PDE8B: variants seen among roughly 807,000 people sequenced by gnomAD.
PDE8B encodes high affinity cAMP-specific and IBMX-insensitive 3',5'-cyclic phosphodiesterase 8B.
Under a neutral mutation model 101.3 loss-of-function variants are expected in PDE8B, and 26 were observed. That is an observed-to-expected ratio of 0.26 (90% CI 0.19 to 0.36). PDE8B has a LOEUF of 0.36. PDE8B is among the 10% of genes least tolerant of loss of function. PDE8B has a pLI of 1.00. For synonymous variants in PDE8B, 424 were observed against 429.3 expected (o/e 0.99, Z 0.15); for missense variants, 810 against 1,163.1 (o/e 0.70, Z 4.42).
At chr5:77,127,144 G>A in the PDE8B span, among the ~76,000 whole-genome samples, 1 of 152,142 alleles carries the variant, frequency 6.6e-6, no homozygotes, top group East Asian at 1.9e-4. Flanking sequence ...GTTCCTGCCT[G>A]TATACATTAC....
intron 10 of PDE8B, among the ~76,000 whole-genome samples, chr5:77,393,876 C>T (rs1790467869): frequency 6.6e-6 from 1 of 152,098 alleles, no homozygotes; most frequent in South Asian, 2.1e-4. Context: ...TGTAAGGAAC[C>T]ATTTAGACAA....
rs1248876615 is a variant in PDE8B at position 77,210,894 on chromosome 5, C to T, written c.-32C>T. The T allele has an allele frequency of 5.5e-6, 7 of 1,269,138 alleles. No homozygotes were observed. In the Admixed American group the frequency reaches 2.1e-4, roughly 38 times the overall value. The allele number at this position is 1,269,138 out of a possible 1,614,324, so 78.6% of individuals were successfully genotyped here. On this transcript the variant is annotated 5_prime_UTR_variant, in exon 1 of 22. Transcript: ENST00000264917. This position sits in a 1 kb window ranked among gnomAD's most constrained non-coding sequence, Gnocchi z 4.9. ...CGCTGGGTCCCGGCGGCCGCGGGCG[C>T]GGGCGGGCGCGCGGGGGAGCCCGGC...
At chr5:77,187,763 G>T in the PDE8B span, among the ~76,000 whole-genome samples, 1 of 152,150 alleles carries the variant, frequency 6.6e-6, no homozygotes, top group Non-Finnish European at 1.5e-5. Flanking sequence ...ATCTTCGAAA[G>T]AATTTTTAAA....
chr5:77,123,532 T>C, the PDE8B span, among the ~76,000 whole-genome samples: 9 of 151,860 alleles, frequency 5.9e-5, no homozygotes, highest in African/African-American at 2.2e-4. Context: ...CTGAGGTGGG[T>C]AGATCGCTTG....
Position 77,247,409 on chromosome 5 carries a change from C to T in PDE8B, c.339+36145C>T, listed in dbSNP as rs146663685. Among the ~76,000 whole-genome samples the T allele has an allele frequency of 1.4e-4, 21 of 152,322 alleles. No individual in the cohort carries two copies. In the East Asian group the frequency reaches 4.1e-3, roughly 29 times the overall value. ...AGGGCCATGTCATTCTCACACGAGCCTCCCTCTGTGTCATATCACAATGAG... is the reference window on the plus strand; with the variant it reads ...AGGGCCATGTCATTCTCACACGAGCTTCCCTCTGTGTCATATCACAATGAG... On this transcript the variant is annotated intron_variant, in intron 1 of 21. Coordinates refer to ENST00000264917, the MANE Select transcript of PDE8B (RefSeq NM_003719.5).
At chr5:77,359,899 C>T (rs1782781032) in intron 10 of PDE8B, among the ~76,000 whole-genome samples, 1 of 152,092 alleles carries the variant, frequency 6.6e-6, no homozygotes, top group Non-Finnish European at 1.5e-5. Context: ...AGTTTGAGAC[C>T]AGCCTGACCA....
the PDE8B span, among the ~76,000 whole-genome samples, chr5:77,142,808 C>A: frequency 6.6e-6 from 1 of 151,492 alleles, no homozygotes; most frequent in African/African-American, 2.4e-5. Flanking sequence ...CCTGAAACTG[C>A]ACAGATGAGA....
intron 10 of PDE8B, among the ~76,000 whole-genome samples, chr5:77,376,950 G>T (rs946804991): frequency 6.6e-6 from 1 of 152,122 alleles, no homozygotes; most frequent in Non-Finnish European, 1.5e-5. Flanking sequence ...AATCTAGGAG[G>T]CATGTGGGTT....
intron 2 of PDE8B, among the ~76,000 whole-genome samples, chr5:77,316,953 G>T (rs549406026): frequency 1.3e-5 from 2 of 152,110 alleles, no homozygotes; most frequent in Non-Finnish European, 2.9e-5. Context: ...TTTTAAAAAA[G>T]ATAATAAGCT....
chr5:77,176,084 T>C, the PDE8B span, among the ~76,000 whole-genome samples: 2 of 152,218 alleles, frequency 1.3e-5, no homozygotes, highest in East Asian at 1.9e-4. Context: ...AAAACTATTT[T>C]CTTCTTTTCC....
chr5:77,098,043 A>G, the PDE8B span, among the ~76,000 whole-genome samples: 1 of 93,576 alleles, frequency 1.1e-5, no homozygotes, highest in East Asian at 3.0e-4. Flanking sequence ...GGCTAAGACA[A>G]GGCCTAGGAT....
the PDE8B span, among the ~76,000 whole-genome samples, chr5:77,180,079 G>T: frequency 3.3e-5 from 5 of 152,298 alleles, no homozygotes; most frequent in East Asian, 9.7e-4. Flanking sequence ...CTGTAAAGGG[G>T]GTGTTGGGAA....
chr5:77,274,817 G>A (rs1344689319), intron 1 of PDE8B, among the ~76,000 whole-genome samples: 1 of 152,118 alleles, frequency 6.6e-6, no homozygotes, highest in Non-Finnish European at 1.5e-5. Flanking sequence ...TTGTAGACCT[G>A]AGAGCCCGAG....
the PDE8B span, chr5:77,100,534 A>G: frequency 3.3e-5 from 5 of 152,250 alleles, no homozygotes; most frequent in African/African-American, 1.2e-4. Flanking sequence ...GGGTCCCTAA[A>G]TGAGGCTTAT....
intron 1 of PDE8B, among the ~76,000 whole-genome samples, chr5:77,214,297 T>A (rs1402172638): frequency 6.6e-6 from 1 of 152,234 alleles, no homozygotes; most frequent in Non-Finnish European, 1.5e-5. Context: ...GTCAACTTGC[T>A]ATGACCTCTG....
intron 10 of PDE8B, among the ~76,000 whole-genome samples, chr5:77,359,760 C>T (rs779755643): frequency 1.3e-5 from 2 of 152,062 alleles, no homozygotes; most frequent in Non-Finnish European, 2.9e-5. Flanking sequence ...GAGCCTCAGT[C>T]CTGGAGGCCT....
intron 2 of PDE8B, among the ~76,000 whole-genome samples, chr5:77,314,375 C>A (rs1347748803): frequency 6.6e-6 from 1 of 152,056 alleles, no homozygotes; most frequent in Non-Finnish European, 1.5e-5. Context: ...GTGTCCCTTG[C>A]ATCTTTGTAT....
chr5:77,398,795 A>G (rs1371479752), intron 10 of PDE8B, among the ~76,000 whole-genome samples: 2 of 152,160 alleles, frequency 1.3e-5, no homozygotes, highest in Admixed American at 1.3e-4. Flanking sequence ...GGTGGTCCAC[A>G]ATCATCTGAA....
At chr5:77,100,267 G>A in the PDE8B span, 66 of 152,290 alleles carry the variant, frequency 4.3e-4, no homozygotes, top group African/African-American at 1.5e-3. Context: ...GGCCCGTAGT[G>A]TACTTTCTGT....
Sources: gnomAD v4.1 joint callset for allele counts (sites outside exome capture counted in the v4.1 genomes callset) on GRCh38, gnomAD v4.1.1 for gene constraint, Gnocchi (gnomAD v3.1) non-coding constraint, MANE v1.5 for transcripts, NCBI Gene and HGNC (gene_info 2026-07-23, HGNC 2026-07-21) for gene names.